The following SDK1 variants were observed in gnomAD, a reference collection of about 807,000 sequenced individuals.
SDK1 encodes the protein protein sidekick-1.
Under a neutral mutation model 245.5 loss-of-function variants are expected in SDK1, and 157 were observed. That is an observed-to-expected ratio of 0.64 (90% confidence interval 0.56 to 0.73). The LOEUF (loss-of-function observed/expected upper bound fraction) is 0.73, where lower values mean the gene tolerates loss of function less well. Among genes scored for constraint, SDK1 ranks in the 30% least tolerant of loss-of-function variants. The pLI is 0.00. For synonymous variants in SDK1, 1,647 were observed against 1,278.5 expected (o/e 1.29, Z -6.15); for missense variants, 3,583 against 3,002.3 (o/e 1.19, Z -4.52).
chr7:3,940,152 A>G (rs1780303664), intron 5 of SDK1, among the ~76,000 whole-genome samples: 1 of 151,058 alleles, frequency 6.6e-6, no homozygotes, highest in Non-Finnish European at 1.5e-5. Flanking sequence ...CTGGCTGCAG[A>G]AACTGACCTA....
chr7:4,018,562 C>T (rs1399345866), intron 17 of SDK1, among the ~76,000 whole-genome samples: 1 of 152,176 alleles, frequency 6.6e-6, no homozygotes. Context: ...TTTAACTGGT[C>T]TATTTAATAA....
intron 5 of SDK1, among the ~76,000 whole-genome samples, chr7:3,898,779 T>C (rs1321214924): frequency 6.6e-6 from 1 of 152,212 alleles, no homozygotes; most frequent in Non-Finnish European, 1.5e-5. Context: ...TTAGAGCTCG[T>C]TGGGAACGTG....
intron 1 of SDK1, among the ~76,000 whole-genome samples, chr7:3,356,742 T>C (rs1358427399): frequency 6.6e-6 from 1 of 152,136 alleles, no homozygotes; most frequent in Non-Finnish European, 1.5e-5. Flanking sequence ...TAGAGATCCC[T>C]GCGTTCTTTT....
intron 17 of SDK1, among the ~76,000 whole-genome samples, chr7:4,031,351 C>A (rs536317819): frequency 6.6e-6 from 1 of 152,204 alleles, no homozygotes; most frequent in East Asian, 1.9e-4. Flanking sequence ...AGTCTGTAAT[C>A]TTTTATCACA....
chr7:3,451,728 G>T (rs934398402), intron 1 of SDK1, among the ~76,000 whole-genome samples: 2 of 152,050 alleles, frequency 1.3e-5, no homozygotes, highest in African/African-American at 4.8e-5. Context: ...GGCCACCAGG[G>T]GTTCTACTCT....
At chr7:3,486,725 G>A (rs764585036) in intron 1 of SDK1, among the ~76,000 whole-genome samples, 3 of 151,894 alleles carry the variant, frequency 2.0e-5, no homozygotes, top group Admixed American at 6.6e-5. Flanking sequence ...TTTTAGCCAC[G>A]TTTTAATTTT....
At chr7:3,842,363 C>T (rs1202739886) in intron 5 of SDK1, among the ~76,000 whole-genome samples, 1 of 152,150 alleles carries the variant, frequency 6.6e-6, no homozygotes, top group Non-Finnish European at 1.5e-5. Context: ...AAGAAGTCAC[C>T]GTACTGGCCT....
intron 44 of SDK1, among the ~76,000 whole-genome samples, chr7:4,260,204 G>C (rs1787893978): frequency 6.7e-6 from 1 of 149,390 alleles, no homozygotes. Context: ...GAAGCTGGCT[G>C]CTCCGGGGCC....
At chr7:3,917,775 CCTG>C (rs1779436251) in intron 5 of SDK1, among the ~76,000 whole-genome samples, 1 of 151,672 alleles carries the variant, frequency 6.6e-6, no homozygotes, top group Admixed American at 6.6e-5. Context: ...AGGCTTCTCT[CCTG>C]CTACATACAT....
intron 1 of SDK1, among the ~76,000 whole-genome samples, chr7:3,384,180 A>G (rs1233794296): frequency 6.6e-6 from 1 of 152,014 alleles, no homozygotes; most frequent in East Asian, 1.9e-4. Context: ...TAAAGCTTTT[A>G]TTTTATCTTT....
At chr7:4,047,481 G>T (rs983316554) in intron 17 of SDK1, among the ~76,000 whole-genome samples, 1 of 152,120 alleles carries the variant, frequency 6.6e-6, no homozygotes, top group African/African-American at 2.4e-5. Context: ...TCTGATTTTG[G>T]TATCAGGGTA....
chr7:3,730,280 G>C lies in SDK1; in HGVS notation c.713+88175G>C, dbSNP rs545815470. Among the ~76,000 whole-genome samples, 5 of 152,310 alleles carry C rather than the reference G, an allele frequency of 3.3e-5. No homozygotes were observed. The East Asian group carries it at 9.7e-4, about 29-fold the overall frequency. ...TAAATTTCTGCAAATGATGGGAGGT[G>C]CTCTGTTGTGGTTTTCATGCCTGTT... is the stretch of plus-strand genomic sequence containing the variant. On this transcript the variant is annotated intron_variant, in intron 4 of 44. Transcript: ENST00000404826.
chr7:3,967,739 G>C (rs570908253), intron 10 of SDK1, among the ~76,000 whole-genome samples: 1 of 152,266 alleles, frequency 6.6e-6, no homozygotes, highest in South Asian at 2.1e-4. Context: ...TCACTGGAGG[G>C]TGTGCGTTCC....
rs540936818 is a variant in SDK1, at chr7:3,685,501, G to A, written c.713+43396G>A. Among the ~76,000 whole-genome samples, 526 of 152,226 alleles carry A rather than the reference G, an allele frequency of 3.5e-3. 20 individuals are homozygous for A. The East Asian group carries it at 0.074, about 21-fold the overall frequency. ...ACAGAAATAATAGAATAAAAACCCG[G>A]ACTTTAGAAAGAAAAGAATGTTGGA... is the stretch of plus-strand genomic sequence containing the variant. On this transcript the variant is annotated intron_variant, in intron 4 of 44. Coordinates refer to ENST00000404826, the MANE Select transcript of SDK1 (RefSeq NM_152744.4).
intron 1 of SDK1, among the ~76,000 whole-genome samples, chr7:3,604,793 G>C (rs1275262153): frequency 1.3e-5 from 2 of 150,854 alleles, no homozygotes; most frequent in African/African-American, 4.9e-5. Flanking sequence ...GGTGAGACAG[G>C]GTTTCTCCAT....
intron 5 of SDK1, among the ~76,000 whole-genome samples, chr7:3,831,056 G>C (rs1054743619): frequency 1.2e-4 from 18 of 152,234 alleles, no homozygotes; most frequent in African/African-American, 4.3e-4. Context: ...TGATATGAAA[G>C]ATAAGGAATT....
At chr7:3,618,978 T>G (rs1781853129) in intron 1 of SDK1, 102 bp from the exon 2 acceptor site, 1 of 1,015,634 alleles carries the variant, frequency 9.8e-7, no homozygotes, top group African/African-American at 1.6e-5. Context: ...ATCACTTTCA[T>G]TTTAATATTA....
intron 22 of SDK1, among the ~76,000 whole-genome samples, chr7:4,106,274 C>T (rs907725959): frequency 3.3e-5 from 5 of 151,842 alleles, no homozygotes; most frequent in South Asian, 4.2e-4. Context: ...GGAGATCAGC[C>T]GCCCCACTGT....
chr7:4,052,230 C>T (rs1021928066), intron 19 of SDK1, among the ~76,000 whole-genome samples: 2 of 147,712 alleles, frequency 1.4e-5, no homozygotes, highest in Non-Finnish European at 3.0e-5. Flanking sequence ...GGGTCCTTTT[C>T]CCCACGCCCT....
Sources: gnomAD v4.1 joint callset for allele counts (sites outside exome capture counted in the v4.1 genomes callset) on GRCh38, gnomAD v4.1.1 for gene constraint, MANE v1.5 for transcripts, NCBI Gene and HGNC (gene_info 2026-07-23, HGNC 2026-07-21) for gene names.